Variants in GARIN2 observed in about 807,000 individuals in gnomAD.
GARIN2 encodes golgi associated RAB2 interactor family member 2, also known as Golgi-associated RAB2 interactor protein 2.
the GARIN2 span, among the ~76,000 whole-genome samples, chr14:67,193,522 G>GATATAGATCTATAGAAATATATATCTAT: frequency 1.5e-5 from 2 of 137,632 alleles, no homozygotes; most frequent in Non-Finnish European, 3.1e-5. Flanking sequence ...TATATATCTA[G>GATATAGATCTATAGAAATATATATCTAT]ATATAGATCT....
the GARIN2 span, chr14:67,200,049 G>A: frequency 1.1e-6 from 1 of 937,042 alleles, no homozygotes; most frequent in Non-Finnish European, 1.6e-6. Context: ...CAGGCTCTGG[G>A]GGACAGCCAC....
chr14:67,223,039 G>A, the GARIN2 span, among the ~76,000 whole-genome samples: 13 of 121,076 alleles, frequency 1.1e-4, no homozygotes, highest in African/African-American at 3.2e-4. Flanking sequence ...TCCCTCTTTC[G>A]CCCAAGCCAG....
the GARIN2 span, among the ~76,000 whole-genome samples, chr14:67,204,073 G>C: frequency 1.3e-5 from 2 of 152,080 alleles, no homozygotes; most frequent in Non-Finnish European, 2.9e-5. Context: ...TGGTTCTCAG[G>C]AGCCCCTACC....
the GARIN2 span, chr14:67,208,344 C>A: frequency 1.2e-6 from 2 of 1,613,898 alleles, no homozygotes; most frequent in Non-Finnish European, 1.7e-6. Context: ...ACTACCTTGA[C>A]CCCAGTAGAA....
At chr14:67,201,635 T>G in the GARIN2 span, 1 of 427,130 alleles carries the variant, frequency 2.3e-6, no homozygotes, top group African/African-American at 2.0e-5. Context: ...GAACCACCAC[T>G]ACCCATTTAA....
chr14:67,213,860 ACTGG>A, the GARIN2 span, among the ~76,000 whole-genome samples: 1 of 152,272 alleles, frequency 6.6e-6, no homozygotes, highest in East Asian at 1.9e-4. Flanking sequence ...TGCCATTCTA[ACTGG>A]TGTGAGATGG....
chr14:67,219,811 G>C, the GARIN2 span, among the ~76,000 whole-genome samples: 1 of 152,108 alleles, frequency 6.6e-6, no homozygotes, highest in Non-Finnish European at 1.5e-5. Context: ...CTCTACTGGA[G>C]AGAAATAAAT....
the GARIN2 span, among the ~76,000 whole-genome samples, chr14:67,192,610 C>G: frequency 1.3e-5 from 2 of 151,652 alleles, no homozygotes; most frequent in Non-Finnish European, 2.9e-5. Context: ...AAAATCATTT[C>G]TTAAGCATCA....
the GARIN2 span, among the ~76,000 whole-genome samples, chr14:67,225,884 C>T: frequency 6.6e-6 from 1 of 150,860 alleles, no homozygotes; most frequent in Non-Finnish European, 1.5e-5. Context: ...ATTTTAGGGC[C>T]ATTGTGTCTT....
chr14:67,207,915 G>A, the GARIN2 span, among the ~76,000 whole-genome samples: 1 of 152,212 alleles, frequency 6.6e-6, no homozygotes, highest in African/African-American at 2.4e-5. Flanking sequence ...TCACAGAGAA[G>A]TACTGTAATT....
the GARIN2 span, among the ~76,000 whole-genome samples, chr14:67,220,077 A>ATTATT: frequency 6.6e-6 from 1 of 152,140 alleles, no homozygotes; most frequent in African/African-American, 2.4e-5. Flanking sequence ...AGTTATATAT[A>ATTATT]TTATTTTTCT....
chr14:67,225,239 T>A, the GARIN2 span: 1 of 1,521,320 alleles, frequency 6.6e-7, no homozygotes. Context: ...ACAAAGTTGA[T>A]GGAAAAACAT....
At chr14:67,201,547 G>C in the GARIN2 span, 6 of 455,662 alleles carry the variant, frequency 1.3e-5, no homozygotes, top group Non-Finnish European at 2.6e-5. Flanking sequence ...CGTTTTCCAG[G>C]GTTGGAGGAT....
At chr14:67,196,284 T>G in the GARIN2 span, among the ~76,000 whole-genome samples, 1 of 151,984 alleles carries the variant, frequency 6.6e-6, no homozygotes, top group South Asian at 2.1e-4. Context: ...TGGCACAGTC[T>G]TGGCTCACTG....
chr14:67,205,235 A>T, the GARIN2 span: 1 of 794,184 alleles, frequency 1.3e-6, no homozygotes, highest in East Asian at 2.8e-5. Flanking sequence ...AGTGAGATTA[A>T]ATCTCTGAAC....
chr14:67,222,449 G>A, the GARIN2 span, among the ~76,000 whole-genome samples: 6 of 152,040 alleles, frequency 3.9e-5, no homozygotes, highest in African/African-American at 7.2e-5. Context: ...TTGCCACCAC[G>A]CCTAACTAAA....
the GARIN2 span, among the ~76,000 whole-genome samples, chr14:67,192,867 T>G: frequency 6.9e-6 from 1 of 145,772 alleles, no homozygotes; most frequent in Non-Finnish European, 1.5e-5. Flanking sequence ...CAGATATATA[T>G]AGATATATAG....
chr14:67,201,377 G>T, the GARIN2 span: 1 of 452,712 alleles, frequency 2.2e-6, no homozygotes, highest in African/African-American at 2.0e-5. Context: ...CAGGGCATCA[G>T]CTCACTCCCA....
the GARIN2 span, among the ~76,000 whole-genome samples, chr14:67,196,223 C>CTTTCT: frequency 2.1e-5 from 3 of 143,118 alleles, no homozygotes; most frequent in African/African-American, 7.7e-5. Context: ...TTCTTTCTTT[C>CTTTCT]TTTTTTTTTT....
Sources: gnomAD v4.1 joint callset for allele counts (sites outside exome capture counted in the v4.1 genomes callset) on GRCh38, gnomAD v4.1.1 for gene constraint, MANE v1.5 for transcripts, NCBI Gene and HGNC (gene_info 2026-07-23, HGNC 2026-07-21) for gene names.